JAZF1: variants seen among roughly 807,000 people sequenced by gnomAD.
JAZF1 encodes the protein juxtaposed with another zinc finger protein 1.
Under a neutral mutation model 26.4 loss-of-function variants are expected in JAZF1, and 8 were observed. The ratio of observed to expected loss-of-function variants is 0.30; its 90% CI spans 0.18 to 0.55. The LOEUF is 0.55. JAZF1 is among the 20% of genes least tolerant of loss of function. JAZF1 has a pLI of 0.94. For synonymous variants in JAZF1, 126 were observed against 122.3 expected (o/e 1.03, Z -0.20); for missense variants, 199 against 322.0 (o/e 0.62, Z 2.92).
intron 1 of JAZF1, among the ~76,000 whole-genome samples, chr7:28,034,237 A>T (rs1391694147): frequency 1.3e-5 from 2 of 151,338 alleles, no homozygotes; most frequent in East Asian, 3.9e-4. Context: ...GTAGAACCTT[A>T]CTTAAGCAAT....
chr7:27,992,061 G>T, intron 1 of JAZF1, 80 bp from the exon 2 acceptor site: 1 of 843,948 alleles, frequency 1.2e-6, no homozygotes, highest in Non-Finnish European at 2.1e-6. Flanking sequence ...AGTAACAGAG[G>T]CTAAGCAGAG....
intron 3 of JAZF1, among the ~76,000 whole-genome samples, chr7:27,877,217 G>A (rs559453546): frequency 3.3e-5 from 5 of 152,348 alleles, no homozygotes; most frequent in Admixed American, 2.0e-4. Flanking sequence ...CGAGGTAATG[G>A]TGGAGAACAA....
chr7:27,836,556 C>G (rs1241709648), intron 4 of JAZF1, among the ~76,000 whole-genome samples: 3 of 152,122 alleles, frequency 2.0e-5, no homozygotes, highest in Non-Finnish European at 2.9e-5. Flanking sequence ...TGGTCAATTT[C>G]CCAGGGCCTG....
At chr7:27,857,725 T>A (rs1487432772) in intron 3 of JAZF1, among the ~76,000 whole-genome samples, 2 of 152,160 alleles carry the variant, frequency 1.3e-5, no homozygotes, top group Non-Finnish European at 2.9e-5. Context: ...ATAAACTAGG[T>A]ATTGACGGAT....
chr7:27,953,633 G>A (rs1785044887), intron 2 of JAZF1, among the ~76,000 whole-genome samples: 1 of 152,078 alleles, frequency 6.6e-6, no homozygotes, highest in African/African-American at 2.4e-5. Context: ...CCAACGAGGT[G>A]GCATGCACAC....
At chr7:28,152,735 G>A (rs762961558) in intron 1 of JAZF1, among the ~76,000 whole-genome samples, 8 of 152,174 alleles carry the variant, frequency 5.3e-5, no homozygotes, top group Non-Finnish European at 1.2e-4. Context: ...AGTAGTGATT[G>A]AAGAATGAGT....
chr7:28,164,350 G>A (rs895791726), intron 1 of JAZF1, among the ~76,000 whole-genome samples: 3 of 152,212 alleles, frequency 2.0e-5, no homozygotes, highest in Non-Finnish European at 4.4e-5. Flanking sequence ...CTAAATTACA[G>A]GTACGAATAT....
chr7:27,882,463 G>A (rs1238553013), intron 3 of JAZF1, among the ~76,000 whole-genome samples: 4 of 152,122 alleles, frequency 2.6e-5, no homozygotes, highest in African/African-American at 9.7e-5. Context: ...ATGTAATTTT[G>A]GTTGCAAGGT....
At chr7:28,125,574 T>C (rs1212507183) in intron 1 of JAZF1, among the ~76,000 whole-genome samples, 1 of 152,218 alleles carries the variant, frequency 6.6e-6, no homozygotes, top group Admixed American at 6.5e-5. Flanking sequence ...TCTTTTCAGA[T>C]GCAAATCCAA....
intron 1 of JAZF1, among the ~76,000 whole-genome samples, chr7:28,102,175 T>C (rs974996739): frequency 3.9e-5 from 6 of 152,148 alleles, no homozygotes; most frequent in Non-Finnish European, 8.8e-5. Context: ...TGGGCTCAAA[T>C]CTGAAACACA....
intron 1 of JAZF1, among the ~76,000 whole-genome samples, chr7:28,019,155 T>C (rs931512302): frequency 6.6e-6 from 1 of 152,208 alleles, no homozygotes; most frequent in Non-Finnish European, 1.5e-5. Context: ...CCAGAAGCCC[T>C]CTGCTATTTT....
chr7:28,033,629 T>C (rs927468781), intron 1 of JAZF1, among the ~76,000 whole-genome samples: 4 of 152,150 alleles, frequency 2.6e-5, no homozygotes, highest in African/African-American at 7.2e-5. Flanking sequence ...GTAAATACTA[T>C]CCTTTGTGCT....
chr7:27,870,075 A>ATTTTTTTT (rs371770357), intron 3 of JAZF1, among the ~76,000 whole-genome samples: 569 of 120,492 alleles, frequency 4.7e-3, no homozygotes, highest in African/African-American at 6.2e-3. Flanking sequence ...CACCCGGTTA[A>ATTTTTTTT]TTTTTTTTTT....
At chr7:28,129,162 A>AC (rs1370704942) in intron 1 of JAZF1, among the ~76,000 whole-genome samples, 3 of 151,832 alleles carry the variant, frequency 2.0e-5, no homozygotes, top group African/African-American at 7.3e-5. Flanking sequence ...CTCTGTGAAT[A>AC]CCCCCCAAAC....
intron 3 of JAZF1, chr7:27,841,177 A>T (rs1782916575): frequency 3.5e-6 from 1 of 284,612 alleles, no homozygotes. Context: ...CACAGGGAAG[A>T]CTTGCTCTGG....
chr7:27,833,124 A>G (rs1250024111), intron 4 of JAZF1, 148 bp from the exon 5 acceptor site: 4 of 537,506 alleles, frequency 7.4e-6, no homozygotes, highest in Non-Finnish European at 1.3e-5. Context: ...GGACCCTTCA[A>G]GGACATTCTG....
chr7:27,947,905 T>C (rs1458219016), intron 2 of JAZF1, among the ~76,000 whole-genome samples: 2 of 152,130 alleles, frequency 1.3e-5, no homozygotes, highest in African/African-American at 4.8e-5. Context: ...AGACAAGCCG[T>C]CTCTACCTCC....
At chr7:28,117,073 C>G (rs1245498954) in intron 1 of JAZF1, among the ~76,000 whole-genome samples, 2 of 152,172 alleles carry the variant, frequency 1.3e-5, no homozygotes, top group African/African-American at 4.8e-5. Flanking sequence ...ATCCACCCGC[C>G]TTGGCCTTCA....
chr7:28,180,719 C>T lies in JAZF1; in HGVS notation c.-142G>A, dbSNP rs1436969978. Reference sequence around the variant, plus strand: ...GGTGAGGGGAGCGGCGAGGACGGGACGGAGGGAGAGGGGGCGAGAGAGATG... The same window carrying T: ...GGTGAGGGGAGCGGCGAGGACGGGATGGAGGGAGAGGGGGCGAGAGAGATG... On this transcript the variant is annotated 5_prime_UTR_variant, in exon 1 of 5. Transcript: ENST00000283928. 3.7e-6 allele frequency: 2 copies of T among 541,590 alleles called. No individual in the cohort carries two copies. The highest frequency in any genetic ancestry group is 2.6e-5 in the Admixed American group (1 of 38,104). 33.5% of individuals were successfully genotyped at this position (541,590 alleles called of 1,614,324 possible).
Sources: gnomAD v4.1 joint callset for allele counts (sites outside exome capture counted in the v4.1 genomes callset) on GRCh38, gnomAD v4.1.1 for gene constraint, MANE v1.5 for transcripts, NCBI Gene and HGNC (gene_info 2026-07-23, HGNC 2026-07-21) for gene names.